The following OPCML variants were observed in gnomAD, a reference collection of about 807,000 sequenced individuals.
OPCML encodes opioid-binding protein/cell adhesion molecule.
A neutral mutation model predicts 37.8 loss-of-function variants in OPCML; 13 were observed. The observed-to-expected ratio is 0.34, with a 90% CI of 0.22 to 0.55. The LOEUF is 0.55. OPCML is among the 20% of genes least tolerant of loss of function. OPCML has a pLI of 0.91. For synonymous variants in OPCML, 176 were observed against 168.8 expected, an observed-to-expected ratio of 1.04 and a Z score of -0.33; for missense variants, 341 against 435.6, an observed-to-expected ratio of 0.78 and a Z score of 1.93.
At chr11:132,656,610 A>G (rs901668839) in intron 3 of OPCML, among the ~76,000 whole-genome samples, 1 of 152,144 alleles carries the variant, frequency 6.6e-6, no homozygotes, top group Non-Finnish European at 1.5e-5. Flanking sequence ...AATGCCAGGG[A>G]GGACCTGCCT....
chr11:132,993,747 C>A (rs1156981140), intron 1 of OPCML, among the ~76,000 whole-genome samples: 1 of 152,172 alleles, frequency 6.6e-6, no homozygotes, highest in Admixed American at 6.5e-5. Flanking sequence ...CTGTAAGCGC[C>A]ACTACTTATC....
At chr11:132,852,565 A>G (rs1941857789) in intron 2 of OPCML, among the ~76,000 whole-genome samples, 1 of 152,106 alleles carries the variant, frequency 6.6e-6, no homozygotes, top group Admixed American at 6.6e-5. Flanking sequence ...ACCAAACTGT[A>G]TCTGTCGGCA....
intron 1 of OPCML, among the ~76,000 whole-genome samples, chr11:133,344,296 G>A (rs534769297): frequency 6.6e-6 from 1 of 152,304 alleles, no homozygotes; most frequent in African/African-American, 2.4e-5. Flanking sequence ...TCTGAGCTTA[G>A]CCCTGAGAGC....
intron 1 of OPCML, among the ~76,000 whole-genome samples, chr11:133,259,570 A>T (rs1275307543): frequency 6.6e-6 from 1 of 152,234 alleles, no homozygotes; most frequent in African/African-American, 2.4e-5. Flanking sequence ...AATCCCAAGT[A>T]TTTCCATCTA....
At chr11:133,461,768 A>G (rs1946865196) in intron 1 of OPCML, among the ~76,000 whole-genome samples, 1 of 151,974 alleles carries the variant, frequency 6.6e-6, no homozygotes, top group South Asian at 2.1e-4. Flanking sequence ...TTTTGTAAGA[A>G]TCGAAAAATT....
At chr11:133,427,547 AACAG>A (rs1277778730) in intron 1 of OPCML, among the ~76,000 whole-genome samples, 2 of 106,768 alleles carry the variant, frequency 1.9e-5, no homozygotes, top group African/African-American at 7.6e-5. Flanking sequence ...CCTGAAAACT[AACAG>A]GATAAATAGA....
At chr11:132,987,443 T>A (rs1396886559) in intron 1 of OPCML, among the ~76,000 whole-genome samples, 1 of 152,200 alleles carries the variant, frequency 6.6e-6, no homozygotes, top group African/African-American at 2.4e-5. Context: ...ATGGAGACAG[T>A]GGGACCAGAC....
intron 2 of OPCML, among the ~76,000 whole-genome samples, chr11:132,844,071 T>C (rs931843225): frequency 2.0e-5 from 3 of 152,122 alleles, no homozygotes; most frequent in African/African-American, 7.2e-5. Flanking sequence ...AGGGGGAGAT[T>C]TCCTGCACAA....
intron 1 of OPCML, among the ~76,000 whole-genome samples, chr11:133,015,766 A>T (rs1168842267): frequency 2.6e-5 from 4 of 152,246 alleles, no homozygotes; most frequent in Non-Finnish European, 4.4e-5. Flanking sequence ...CTCCAGCTGC[A>T]ACTGATCTTG....
At chr11:132,941,679 T>C (rs925335602) in intron 2 of OPCML, among the ~76,000 whole-genome samples, 1 of 152,174 alleles carries the variant, frequency 6.6e-6, no homozygotes, top group African/African-American at 2.4e-5. Context: ...TCTATTCTCC[T>C]TTTTTCTCCA....
chr11:132,910,558 T>C (rs1443696692), intron 2 of OPCML, among the ~76,000 whole-genome samples: 1 of 152,164 alleles, frequency 6.6e-6, no homozygotes, highest in African/African-American at 2.4e-5. Context: ...CTCTCTTCCT[T>C]CCTATCTGAA....
chr11:132,920,006 G>C (rs1390829467), intron 2 of OPCML, among the ~76,000 whole-genome samples: 1 of 152,232 alleles, frequency 6.6e-6, no homozygotes, highest in African/African-American at 2.4e-5. Context: ...GAAATGGGGA[G>C]TAGCCGCTAA....
At chr11:132,820,637 G>A (rs1939925260) in intron 2 of OPCML, among the ~76,000 whole-genome samples, 1 of 152,134 alleles carries the variant, frequency 6.6e-6, no homozygotes, top group African/African-American at 2.4e-5. Context: ...GGATGTGCTG[G>A]TGGGAAGAAA....
At chr11:133,399,468 C>T (rs1338607724) in intron 1 of OPCML, among the ~76,000 whole-genome samples, 1 of 152,192 alleles carries the variant, frequency 6.6e-6, no homozygotes, top group Non-Finnish European at 1.5e-5. Flanking sequence ...TGCCAGCCGC[C>T]AGCCTCCTCA....
At chr11:132,617,175 A>G (rs1400683343) in intron 3 of OPCML, among the ~76,000 whole-genome samples, 1 of 152,364 alleles carries the variant, frequency 6.6e-6, no homozygotes, top group Non-Finnish European at 1.5e-5. Flanking sequence ...AATCAATAAA[A>G]TGACCTATTG....
chr11:132,579,104 T>TG (rs1044307761), intron 3 of OPCML, among the ~76,000 whole-genome samples: 4 of 152,122 alleles, frequency 2.6e-5, no homozygotes, highest in Non-Finnish European at 4.4e-5. Flanking sequence ...AATGATCAAC[T>TG]GGGGGGAGGC....
At chr11:133,374,465 T>C (rs1026741351) in intron 1 of OPCML, among the ~76,000 whole-genome samples, 2 of 152,140 alleles carry the variant, frequency 1.3e-5, no homozygotes, top group Non-Finnish European at 2.9e-5. Flanking sequence ...GTGTAGTCTA[T>C]CGTGTGTCCA....
At chr11:132,837,859 T>C (rs1941108511) in intron 2 of OPCML, among the ~76,000 whole-genome samples, 1 of 152,128 alleles carries the variant, frequency 6.6e-6, no homozygotes, top group Non-Finnish European at 1.5e-5. Flanking sequence ...AGACAGGCCC[T>C]CCCTCCTCCC....
At chr11:132,937,918 G>A (rs1300237801) in intron 2 of OPCML, among the ~76,000 whole-genome samples, 1 of 151,754 alleles carries the variant, frequency 6.6e-6, no homozygotes, top group Non-Finnish European at 1.5e-5. Flanking sequence ...TGACCTCAGG[G>A]ATAGTGAAGA....
Sources: gnomAD v4.1 joint callset for allele counts (sites outside exome capture counted in the v4.1 genomes callset) on GRCh38, gnomAD v4.1.1 for gene constraint, MANE v1.5 for transcripts, NCBI Gene and HGNC (gene_info 2026-07-23, HGNC 2026-07-21) for gene names.